The following TBC1D9 variants were observed in gnomAD, a reference collection of about 807,000 sequenced individuals.
The protein encoded by TBC1D9 is TBC1 domain family member 9.
A neutral mutation model predicts 132.0 loss-of-function variants in TBC1D9; 63 were observed. The observed-to-expected ratio is 0.48, with a 90% CI of 0.39 to 0.59. The LOEUF (loss-of-function observed/expected upper bound fraction) is 0.59. Among genes scored for constraint, TBC1D9 ranks in the 20% least tolerant of loss-of-function variants. TBC1D9 has a pLI of 0.00. For synonymous variants in TBC1D9, 610 were observed against 609.9 expected (o/e 1.00, Z 0.00); for missense variants, 1,261 against 1,592.7 (o/e 0.79, Z 3.54).
chr4:140,646,910 G>A (rs1737111192), intron 13 of TBC1D9, among the ~76,000 whole-genome samples: 1 of 152,216 alleles, frequency 6.6e-6, no homozygotes. Flanking sequence ...TGGAATTCAA[G>A]AGTTAGTAGG....
chr4:140,739,922 G>A (rs772206522), intron 1 of TBC1D9, among the ~76,000 whole-genome samples: 15 of 152,164 alleles, frequency 9.9e-5, no homozygotes, highest in Non-Finnish European at 1.9e-4. Flanking sequence ...CCTTTTGTTT[G>A]TTCAGTGTAA....
chr4:140,744,430 T>C (rs1336602947), intron 1 of TBC1D9, among the ~76,000 whole-genome samples: 1 of 152,172 alleles, frequency 6.6e-6, no homozygotes, highest in African/African-American at 2.4e-5. Flanking sequence ...CCCTTTCAAA[T>C]TCAGGCACAA....
rs115198326 is a variant in TBC1D9, at chr4:140,752,046, G to A, written c.130+3870C>T. Among the ~76,000 whole-genome samples, 577 of 152,282 alleles carry A rather than the reference G, an allele frequency of 3.8e-3. 6 individuals carry two copies. The highest frequency in any genetic ancestry group is 0.013 in the African/African-American group (559 of 41,548). ...TACTGAAATTGATAATACATTATGA[G>A]CTAGCAATTCCTCTCCTGTTTATAG... On this transcript the variant is annotated intron_variant, in intron 1 of 20. Coordinates refer to ENST00000442267, the MANE Select transcript of TBC1D9 (RefSeq NM_015130.3).
chr4:140,674,171 C>A (rs144498095), intron 6 of TBC1D9, among the ~76,000 whole-genome samples: 1 of 152,132 alleles, frequency 6.6e-6, no homozygotes, highest in South Asian at 2.1e-4. Flanking sequence ...CATCCTATAG[C>A]AAAAACTACT....
chr4:140,662,195 C>T, intron 9 of TBC1D9, 88 bp from the exon 10 acceptor site: 9 of 1,042,486 alleles, frequency 8.6e-6, no homozygotes, highest in Non-Finnish European at 1.4e-5. Flanking sequence ...AACTGCTTTA[C>T]TTTCCTACCT....
rs772720806 is a variant in TBC1D9 at position 140,679,031 on chromosome 4, C to T, written c.762G>A (p.Arg254=). ...LMEQLANIAM[R]QLLDNEGFEQ... ...CAAATCCCTCATTGTCTAAGAGTTG[C>T]CTCATGGCTATGTTGGCAAGCTGCT... The change falls in exon 5 of 21, where the codon AGG becomes AGA. Residue 254 remains arginine (R), a synonymous_variant. Transcript: ENST00000442267. The T allele has an allele frequency of 3.0e-5, 49 of 1,613,814 alleles. 2 individuals carry two copies. The South Asian group carries it at 5.2e-4, about 17-fold the overall frequency.
Position 140,755,991 on chromosome 4 carries a change from T to C in TBC1D9, c.55A>G (p.Arg19Gly). The change falls in exon 1 of 21, where the codon AGG (arginine) becomes GGG (glycine). Residue 19 changes from arginine (R) to glycine (G), a missense_variant. Around this residue, in one of 3 missense-constraint regions of TBC1D9, gnomAD observed 550 missense variants for 699.0 expected, o/e 0.79. Coordinates refer to ENST00000442267, the MANE Select transcript of TBC1D9 (RefSeq NM_015130.3). Reference sequence around the variant, plus strand: ...TGCAGGATGAAGTATGGGTTGGCCCTCTCGGTGATCCACAGCGCGTTGGCC... The same window carrying C: ...TGCAGGATGAAGTATGGGTTGGCCCCCTCGGTGATCCACAGCGCGTTGGCC... Reference protein sequence around the residue: ...LLANALWITERANPYFILQRR... With the variant: ...LLANALWITEGANPYFILQRR... 1 of 1,608,002 alleles carries C rather than the reference T, an allele frequency of 6.2e-7. No homozygotes were observed. Among genetic ancestry groups the C allele is most frequent in the East Asian group, 2.2e-5 (1 of 44,516 alleles).
At chr4:140,694,439 C>T (rs754870827) in intron 2 of TBC1D9, among the ~76,000 whole-genome samples, 4 of 151,882 alleles carry the variant, frequency 2.6e-5, no homozygotes, top group East Asian at 1.9e-4. Context: ...GGAGTGGTGG[C>T]GTACACCTGT....
At chr4:140,688,593 C>G (rs1737825484) in intron 2 of TBC1D9, among the ~76,000 whole-genome samples, 1 of 151,952 alleles carries the variant, frequency 6.6e-6, no homozygotes, top group Non-Finnish European at 1.5e-5. Context: ...AGCTCGAACC[C>G]AAGAGTTTGA....
Position 140,676,889 on chromosome 4 carries a change from C to G in TBC1D9, c.1059+5G>C. On this transcript the variant is annotated splice_donor_5th_base_variant and intron_variant, in intron 6 of 20. Transcript: ENST00000442267. ...TTAAAATATCAATTTTTATCAGATA[C>G]TTACCTCACGGAGCGGGATAATGAG... 1 of 1,613,698 alleles carries G rather than the reference C, an allele frequency of 6.2e-7. No homozygotes were observed. Among genetic ancestry groups the G allele is most frequent in the Non-Finnish European group, 8.5e-7 (1 of 1,179,752 alleles).
intron 9 of TBC1D9, among the ~76,000 whole-genome samples, chr4:140,664,676 T>C (rs1737415603): frequency 6.6e-6 from 1 of 152,096 alleles, no homozygotes; most frequent in Non-Finnish European, 1.5e-5. Context: ...ACATTTAAGG[T>C]CTATTAATTT....
chr4:140,694,727 A>G (rs949402719), intron 2 of TBC1D9, among the ~76,000 whole-genome samples: 20 of 149,428 alleles, frequency 1.3e-4, no homozygotes, highest in African/African-American at 4.9e-4. Context: ...GTATACACAT[A>G]GTATATATTA....
chr4:140,645,323 A>G, intron 13 of TBC1D9: 1 of 504,188 alleles, frequency 2.0e-6, no homozygotes, highest in South Asian at 1.5e-5. Context: ...CCCAGGCCCC[A>G]GCCAGCCACT....
At chr4:140,645,407 G>T (rs180898490) in intron 13 of TBC1D9, 3 of 454,686 alleles carry the variant, frequency 6.6e-6, no homozygotes, top group African/African-American at 4.0e-5. Context: ...CAGAGCCCGC[G>T]CATCCAAATG....
intron 13 of TBC1D9, chr4:140,645,387 CCCTGGACA>C (rs1214495538): frequency 2.2e-6 from 1 of 463,834 alleles, no homozygotes; most frequent in African/African-American, 2.0e-5. Flanking sequence ...TTCTGCTTCA[CCCTGGACA>C]CCAGAGCCCG....
At chr4:140,643,317 G>T in intron 13 of TBC1D9, 1 of 1,321,070 alleles carries the variant, frequency 7.6e-7, no homozygotes, top group Non-Finnish European at 1.1e-6. Context: ...AAGGCTCTCG[G>T]CAGCTTCCTG....
intron 13 of TBC1D9, chr4:140,643,309 G>A (rs1423425888): frequency 7.6e-7 from 1 of 1,322,022 alleles, no homozygotes; most frequent in South Asian, 1.3e-5. Flanking sequence ...TCCAAGACAA[G>A]GCTCTCGGCA....
At chr4:140,680,195 C>T (rs746611373) in intron 3 of TBC1D9, among the ~76,000 whole-genome samples, 1 of 152,122 alleles carries the variant, frequency 6.6e-6, no homozygotes, top group Admixed American at 6.5e-5. Flanking sequence ...TCAACTTCTG[C>T]CTTTCTCCAA....
At chr4:140,753,045 T>C (rs1578868635) in intron 1 of TBC1D9, among the ~76,000 whole-genome samples, 1 of 152,170 alleles carries the variant, frequency 6.6e-6, no homozygotes, top group East Asian at 1.9e-4. Context: ...GGCAGATCTT[T>C]TTCTTTCTTC....
Sources: allele counts gnomAD v4.1 joint callset (sites outside exome capture counted in the v4.1 genomes callset), GRCh38; gene constraint gnomAD v4.1.1; regional missense constraint gnomAD v4.1.1; transcripts MANE v1.5; gene names NCBI Gene and HGNC (gene_info 2026-07-23, HGNC 2026-07-21).